Variants in FAM171A1 observed in about 807,000 individuals in gnomAD.
FAM171A1 encodes protein FAM171A1.
A neutral mutation model predicts 74.9 loss-of-function variants in FAM171A1; 23 were observed. The observed-to-expected ratio is 0.31, with a 90% CI of 0.22 to 0.44. The LOEUF is 0.44. Among genes scored for constraint, FAM171A1 ranks in the 20% least tolerant of loss-of-function variants. FAM171A1 has a pLI of 1.00. For synonymous variants in FAM171A1, 527 were observed against 505.7 expected (o/e 1.04, Z -0.57); for missense variants, 1,162 against 1,159.2 (o/e 1.00, Z -0.03).
chr10:15,342,817 A>G (rs1175582930), intron 1 of FAM171A1, among the ~76,000 whole-genome samples: 1 of 152,216 alleles, frequency 6.6e-6, no homozygotes, highest in Admixed American at 6.5e-5. Context: ...AGGCACATTT[A>G]TCAGTGATTT....
chr10:15,298,435 T>G (rs538972879), intron 1 of FAM171A1, among the ~76,000 whole-genome samples: 3 of 152,134 alleles, frequency 2.0e-5, no homozygotes, highest in African/African-American at 7.2e-5. Flanking sequence ...CACCCGGCCA[T>G]GAATCAACCA....
chr10:15,229,137 C>T (rs955618615), intron 5 of FAM171A1, among the ~76,000 whole-genome samples: 2 of 152,142 alleles, frequency 1.3e-5, no homozygotes, highest in African/African-American at 4.8e-5. Flanking sequence ...TGAAACATAG[C>T]CATTTCTACT....
chr10:15,249,640 T>A (rs889465333), intron 4 of FAM171A1, among the ~76,000 whole-genome samples: 7 of 152,210 alleles, frequency 4.6e-5, no homozygotes, highest in African/African-American at 1.7e-4. Context: ...TCAAAAATAT[T>A]AACTTCTGCT....
intron 5 of FAM171A1, among the ~76,000 whole-genome samples, chr10:15,239,374 G>T (rs1834335060): frequency 6.6e-6 from 1 of 151,888 alleles, no homozygotes; most frequent in African/African-American, 2.4e-5. Flanking sequence ...TACAATCCTG[G>T]CTCACTGCAA....
At chr10:15,237,961 A>G (rs12245932) in intron 5 of FAM171A1, among the ~76,000 whole-genome samples, 22,617 of 152,186 alleles carry the variant, frequency 0.15, 1,771 homozygotes, top group Middle Eastern at 0.18. Flanking sequence ...GGATATGTTG[A>G]TATTACCTTA....
intron 1 of FAM171A1, among the ~76,000 whole-genome samples, chr10:15,359,798 G>A (rs548031480): frequency 1.1e-3 from 169 of 152,292 alleles, no homozygotes; most frequent in Middle Eastern, 6.8e-3. Context: ...GCAATGGAAG[G>A]GGCAAGGTGA....
chr10:15,313,488 G>A (rs1285131741), intron 1 of FAM171A1, among the ~76,000 whole-genome samples: 1 of 152,198 alleles, frequency 6.6e-6, no homozygotes, highest in African/African-American at 2.4e-5. Flanking sequence ...AACCAGCCTA[G>A]AAAGAAATTG....
Position 15,213,689 on chromosome 10 carries a change from G to C in FAM171A1, c.1899C>G (p.Ile633Met). Residue 633 changes from isoleucine (I) to methionine (M), a missense_variant, in exon 8 of 8, where the codon ATC becomes ATG. Coordinates refer to ENST00000378116, the MANE Select transcript of FAM171A1 (RefSeq NM_001010924.2). This position sits in a 1 kb window ranked among gnomAD's most constrained non-coding sequence, Gnocchi z 6.8. ...CCTGGGAAGACAGGGGCTGGGGCTG[G>C]ATCTGTGAGGACGGGTGTGGGAAGA... ...AGIFPHPSSQ[I>M]QPQPLSSQAI... is the part of the protein sequence containing the mutation. The C allele has an allele frequency of 6.2e-7, 1 of 1,612,954 alleles. No homozygotes were observed. Among genetic ancestry groups the C allele is most frequent in the Non-Finnish European group, 8.5e-7 (1 of 1,179,310 alleles).
intron 1 of FAM171A1, among the ~76,000 whole-genome samples, chr10:15,326,397 C>T (rs890176993): frequency 2.6e-5 from 4 of 152,108 alleles, no homozygotes; most frequent in Non-Finnish European, 5.9e-5. Context: ...TTACTGCAAC[C>T]TCCACCTCCT....
intron 1 of FAM171A1, among the ~76,000 whole-genome samples, chr10:15,331,834 T>G (rs1835636726): frequency 8.0e-6 from 1 of 125,094 alleles, no homozygotes. Context: ...TATGTGTGTA[T>G]ATATATGTGT....
intron 2 of FAM171A1, among the ~76,000 whole-genome samples, chr10:15,282,529 AT>A (rs1223946745): frequency 6.6e-6 from 1 of 152,078 alleles, no homozygotes; most frequent in East Asian, 1.9e-4. Flanking sequence ...GTGGTTCAGT[AT>A]TTGCTCAGTC....
intron 1 of FAM171A1, among the ~76,000 whole-genome samples, chr10:15,301,436 C>A (rs1197658952): frequency 6.6e-6 from 1 of 151,636 alleles, no homozygotes; most frequent in Non-Finnish European, 1.5e-5. Context: ...CTCCTGACCT[C>A]AGGTAATCCA....
intron 2 of FAM171A1, among the ~76,000 whole-genome samples, chr10:15,276,813 T>C (rs966170159): frequency 4.6e-5 from 7 of 152,128 alleles, no homozygotes; most frequent in Admixed American, 2.0e-4. Context: ...GTCTCTCAAA[T>C]AGTTGGGACC....
At chr10:15,278,471 C>T (rs568035170) in intron 2 of FAM171A1, among the ~76,000 whole-genome samples, 9 of 152,242 alleles carry the variant, frequency 5.9e-5, no homozygotes, top group East Asian at 3.9e-4. Context: ...CAGCATTATC[C>T]GTAACAGCCG....
chr10:15,239,519 C>A (rs1834337053), intron 5 of FAM171A1, among the ~76,000 whole-genome samples: 1 of 151,906 alleles, frequency 6.6e-6, no homozygotes, highest in South Asian at 2.1e-4. Flanking sequence ...ACCAGGCTGG[C>A]CTCAAACTCT....
At chr10:15,320,379 C>T (rs995260966) in intron 1 of FAM171A1, among the ~76,000 whole-genome samples, 11 of 152,196 alleles carry the variant, frequency 7.2e-5, no homozygotes, top group East Asian at 5.8e-4. Flanking sequence ...ATTTGATGGG[C>T]TTCTAGGTTG....
chr10:15,237,794 G>A (rs534980392), intron 5 of FAM171A1: 6 of 149,688 alleles, frequency 4.0e-5, no homozygotes, highest in South Asian at 2.1e-4. Context: ...TTCCCCTACC[G>A]GTCTCATTAA....
At chr10:15,277,680 C>T (rs1362810797) in intron 2 of FAM171A1, among the ~76,000 whole-genome samples, 1 of 152,128 alleles carries the variant, frequency 6.6e-6, no homozygotes, top group African/African-American at 2.4e-5. Flanking sequence ...AAAAGTTGGC[C>T]TAGAGAGGTA....
At chr10:15,330,713 CTT>C (rs898772126) in intron 1 of FAM171A1, among the ~76,000 whole-genome samples, 2,395 of 76,538 alleles carry the variant, frequency 0.031, 24 homozygotes, top group East Asian at 0.17. Flanking sequence ...TCTTCTTCTT[CTT>C]TTTTTTTTTT....
Sources: gnomAD v4.1 joint callset for allele counts (sites outside exome capture counted in the v4.1 genomes callset) on GRCh38, gnomAD v4.1.1 for gene constraint, Gnocchi (gnomAD v3.1) non-coding constraint, MANE v1.5 for transcripts, NCBI Gene and HGNC (gene_info 2026-07-23, HGNC 2026-07-21) for gene names.